The following NOSTRIN variants were observed in gnomAD, a reference collection of about 807,000 sequenced individuals.
NOSTRIN encodes the protein BM247 homolog.
NOSTRIN carries 63 observed loss-of-function variants against 59.0 expected under a neutral mutation model. The observed-to-expected ratio is 1.07, with a 90% confidence interval of 0.87 to 1.32. The LOEUF is 1.32. Among genes scored for constraint, NOSTRIN ranks in the 40% most tolerant of loss-of-function variants. The pLI is 0.00. For synonymous variants in NOSTRIN, 200 were observed against 165.4 expected (o/e 1.21, Z -1.61); for missense variants, 512 against 473.1 (o/e 1.08, Z -0.76).
At chr2:168,791,819 C>A (rs1260617215) in intron 2 of NOSTRIN, among the ~76,000 whole-genome samples, 6 of 152,162 alleles carry the variant, frequency 3.9e-5, no homozygotes, top group African/African-American at 1.4e-4. Context: ...CCTTCACCCA[C>A]TTTTTGATGG....
chr2:168,791,792 C>G (rs11899519), intron 2 of NOSTRIN, among the ~76,000 whole-genome samples: 17,321 of 152,164 alleles, frequency 0.11, 1,036 homozygotes, highest in Admixed American at 0.13. Context: ...CTTCTTTTGA[C>G]AAGTGTCTGT....
upstream of NOSTRIN, among the ~76,000 whole-genome samples, chr2:168,801,489 C>T (rs977178278): frequency 4.6e-5 from 7 of 152,106 alleles, no homozygotes; most frequent in African/African-American, 1.7e-4. Context: ...TCCCAAAGTG[C>T]TTGGATTACA....
chr2:168,852,420 A>G (rs1688823626), intron 10 of NOSTRIN, among the ~76,000 whole-genome samples: 1 of 152,178 alleles, frequency 6.6e-6, no homozygotes. Flanking sequence ...CTTCTGGGTC[A>G]AGCCTCAAAG....
chr2:168,828,824 T>C (rs1687199777), intron 5 of NOSTRIN, among the ~76,000 whole-genome samples: 1 of 151,936 alleles, frequency 6.6e-6, no homozygotes, highest in Admixed American at 6.6e-5. Flanking sequence ...TTTAATCACA[T>C]GGGGATTTTT....
In NOSTRIN at chr2:168,790,581, C is replaced by T. The variant is rs531399234; in HGVS notation, c.-473+2533C>T. On this transcript the variant is annotated intron_variant, in intron 2 of 20. Transcript: ENST00000458381. ...CATCAGATAAGTCCAAATTGAAGGACGTTACATAAAATAATTAACTGGTCA... is the reference window on the plus strand; with the variant it reads ...CATCAGATAAGTCCAAATTGAAGGATGTTACATAAAATAATTAACTGGTCA... Among the ~76,000 whole-genome samples the T allele has an allele frequency of 2.3e-4, 35 of 152,250 alleles. No homozygotes were observed. The East Asian group carries it at 4.0e-3, about 18-fold the overall frequency.
upstream of NOSTRIN, among the ~76,000 whole-genome samples, chr2:168,797,824 C>T (rs1386347529): frequency 2.6e-5 from 4 of 151,992 alleles, no homozygotes; most frequent in Non-Finnish European, 2.9e-5. Context: ...CCTTGTGCCT[C>T]TGTTGCCCTG....
At chr2:168,834,571 CT>C (rs1559123254) in intron 7 of NOSTRIN, among the ~76,000 whole-genome samples, 1 of 143,496 alleles carries the variant, frequency 7.0e-6, no homozygotes, top group Non-Finnish European at 1.5e-5. Context: ...TATTTTAATT[CT>C]TTTAAATAGA....
intron 2 of NOSTRIN, among the ~76,000 whole-genome samples, chr2:168,792,099 GGGTTTTTAT>G: frequency 6.6e-6 from 1 of 152,182 alleles, no homozygotes; most frequent in East Asian, 1.9e-4. Context: ...TTTTCTTCTA[GGGTTTTTAT>G]GGTTTTAGGT....
At chr2:168,862,075 A>G (rs1418286253) in intron 15 of NOSTRIN, 26 bp downstream of exon 15, 2 of 1,591,414 alleles carry the variant, frequency 1.3e-6, no homozygotes, top group South Asian at 2.2e-5. Flanking sequence ...AAATATTTTA[A>G]TTGCCTTCCC....
At chr2:168,812,359 T>G (rs1686188176) in intron 2 of NOSTRIN, among the ~76,000 whole-genome samples, 2 of 152,326 alleles carry the variant, frequency 1.3e-5, no homozygotes, top group Middle Eastern at 6.8e-3. Context: ...AATGAATGTG[T>G]GCCATAAGAC....
intron 2 of NOSTRIN, among the ~76,000 whole-genome samples, chr2:168,790,287 T>A (rs1047927766): frequency 6.6e-6 from 1 of 152,138 alleles, no homozygotes; most frequent in Non-Finnish European, 1.5e-5. Flanking sequence ...TATGATAAAA[T>A]TAATATATAA....
chr2:168,802,537 C>A, upstream of NOSTRIN: 1 of 775,380 alleles, frequency 1.3e-6, no homozygotes, highest in South Asian at 1.5e-5. Flanking sequence ...CAAGGACTGA[C>A]GTACTCTAGG....
At chr2:168,799,229 A>C (rs1685557591), upstream of NOSTRIN, among the ~76,000 whole-genome samples, 1 of 152,138 alleles carries the variant, frequency 6.6e-6, no homozygotes. Flanking sequence ...GCAGCCCTCA[A>C]GCTTGGCCCA....
chr2:168,828,569 A>C, intron 5 of NOSTRIN, 68 bp downstream of exon 5: 2 of 629,494 alleles, frequency 3.2e-6, no homozygotes, highest in Non-Finnish European at 5.5e-6. Context: ...CAGAAAAGGA[A>C]AAGGTGATCT....
chr2:168,829,086 T>C (rs535999310), intron 5 of NOSTRIN, among the ~76,000 whole-genome samples: 2 of 152,188 alleles, frequency 1.3e-5, no homozygotes, highest in Non-Finnish European at 2.9e-5. Flanking sequence ...ACAAAGATGC[T>C]TTCTACGCTT....
intron 12 of NOSTRIN, among the ~76,000 whole-genome samples, chr2:168,857,975 G>C (rs16856052): frequency 0.055 from 8,314 of 152,276 alleles, 723 homozygotes; most frequent in African/African-American, 0.18. Context: ...AGCCTGCATT[G>C]TGTGCACTGG....
At chr2:168,826,427 T>C (rs1317736127) in intron 3 of NOSTRIN, among the ~76,000 whole-genome samples, 1 of 152,232 alleles carries the variant, frequency 6.6e-6, no homozygotes, top group Non-Finnish European at 1.5e-5. Context: ...TCTCTCTTTC[T>C]TTCTTTCCTT....
chr2:168,858,713 T>A (rs1689264345), intron 12 of NOSTRIN, among the ~76,000 whole-genome samples: 2 of 152,168 alleles, frequency 1.3e-5, no homozygotes, highest in African/African-American at 2.4e-5. Flanking sequence ...ACTTTCTCCA[T>A]CAATTGGATG....
intron 1 of NOSTRIN, among the ~76,000 whole-genome samples, chr2:168,805,853 G>A (rs567025905): frequency 7.2e-4 from 110 of 152,270 alleles, no homozygotes; most frequent in Middle Eastern, 3.4e-3. Flanking sequence ...AATCTGACTC[G>A]CTGCAAAAAT....
Sources: gnomAD v4.1 joint callset for allele counts (sites outside exome capture counted in the v4.1 genomes callset) on GRCh38, gnomAD v4.1.1 for gene constraint, MANE v1.5 for transcripts, NCBI Gene and HGNC (gene_info 2026-07-23, HGNC 2026-07-21) for gene names.